The following SLC17A5 variants were observed in gnomAD, a reference collection of about 807,000 sequenced individuals.
The protein encoded by SLC17A5 is sialin.
In SLC17A5, 47 loss-of-function variants were observed where a neutral mutation model predicts 59.4. That is an observed-to-expected ratio of 0.79 (90% CI 0.63 to 1.01). SLC17A5 has a LOEUF of 1.01. Among genes scored for constraint, SLC17A5 ranks in the 50% least tolerant of loss-of-function variants. The pLI is 0.00. For missense variants in SLC17A5, 522 were observed against 595.5 expected (o/e 0.88, Z 1.28); for synonymous variants, 202 against 210.7 (o/e 0.96, Z 0.36).
At chr6:73,638,962 A>T (rs929003142) in intron 3 of SLC17A5, among the ~76,000 whole-genome samples, 1 of 152,192 alleles carries the variant, frequency 6.6e-6, no homozygotes, top group Non-Finnish European at 1.5e-5. Flanking sequence ...TTTATTAATC[A>T]CCTGAATGAA....
chr6:73,609,023 T>A (rs1767522933), intron 9 of SLC17A5, among the ~76,000 whole-genome samples: 1 of 152,010 alleles, frequency 6.6e-6, no homozygotes, highest in Non-Finnish European at 1.5e-5. Flanking sequence ...TATCTTAGAG[T>A]ATTTATTGAA....
intron 10 of SLC17A5, among the ~76,000 whole-genome samples, chr6:73,599,471 G>A (rs545115315): frequency 4.6e-5 from 7 of 152,286 alleles, no homozygotes; most frequent in African/African-American, 1.7e-4. Context: ...TGTAATTCAG[G>A]AATCCATATT....
At chr6:73,652,862 C>G (rs142689236) in intron 1 of SLC17A5, among the ~76,000 whole-genome samples, 1 of 152,344 alleles carries the variant, frequency 6.6e-6, no homozygotes, top group African/African-American at 2.4e-5. Flanking sequence ...TCCAACACAA[C>G]TCTTTCTCAC....
Position 73,593,966 on chromosome 6 carries a change from T to G in SLC17A5, c.*1111A>C, listed in dbSNP as rs887681083. ...ACTGTGATCCATGTGAGAGTAGATT[T>G]AAACCAGGATGATCTTATTTGTGAT... On this transcript the variant is annotated 3_prime_UTR_variant, in exon 11 of 11. Coordinates refer to ENST00000355773, the MANE Select transcript of SLC17A5 (RefSeq NM_012434.5). 1 of 151,618 alleles carries G rather than the reference T, an allele frequency of 6.6e-6. No homozygotes were observed. The highest frequency in any genetic ancestry group is 2.4e-5 in the African/African-American group (1 of 41,316). The allele number at this position is 151,618 out of a possible 1,614,324, so 9.4% of individuals were successfully genotyped here.
chr6:73,652,751 T>A (rs1160489145), intron 1 of SLC17A5, among the ~76,000 whole-genome samples: 1 of 31,382 alleles, frequency 3.2e-5, no homozygotes, highest in African/African-American at 6.9e-5. Flanking sequence ...GGCTGCCAGA[T>A]GGAGCTATAA....
chr6:73,621,473 A>T (rs574307922), intron 7 of SLC17A5, among the ~76,000 whole-genome samples: 4 of 152,354 alleles, frequency 2.6e-5, no homozygotes, highest in Non-Finnish European at 5.9e-5. Context: ...CTTATTGGCC[A>T]TCTGTGTATC....
At chr6:73,640,232 T>C (rs1291465336) in intron 3 of SLC17A5, among the ~76,000 whole-genome samples, 1 of 152,162 alleles carries the variant, frequency 6.6e-6, no homozygotes, top group African/African-American at 2.4e-5. Context: ...ATATTTTACT[T>C]TGTCAAGAAG....
chr6:73,604,431 C>G (rs991951297), intron 9 of SLC17A5, among the ~76,000 whole-genome samples: 1 of 152,086 alleles, frequency 6.6e-6, no homozygotes, highest in Admixed American at 6.6e-5. Flanking sequence ...ATTCGGGCAA[C>G]AAAATTACCA....
Position 73,644,451 on chromosome 6 carries a change from A to T in SLC17A5, c.247T>A (p.Cys83Ser), listed in dbSNP as rs535437459. The part of the protein sequence containing the change: ...TLEDNRTSKA[C>S]PEHSAPIKVH... ...TTTATGGGAGCAGAATGCTCTGGACACGCCTTGGAAGTTCTATTATCTTCT... is the reference window on the plus strand; with the variant it reads ...TTTATGGGAGCAGAATGCTCTGGACTCGCCTTGGAAGTTCTATTATCTTCT... Residue 83 changes from cysteine (C) to serine (S), a missense_variant, in exon 2 of 11, where the codon TGT becomes AGT. Around this residue, in one of 3 missense-constraint regions of SLC17A5, gnomAD observed 338 missense variants for 363.8 expected, o/e 0.93. Coordinates refer to ENST00000355773, the MANE Select transcript of SLC17A5 (RefSeq NM_012434.5). 2 of 1,613,962 alleles carry T rather than the reference A, an allele frequency of 1.2e-6. No homozygotes were observed. The highest frequency in any genetic ancestry group is 1.7e-6 in the Non-Finnish European group (2 of 1,179,992).
At chr6:73,623,759 G>A (rs1372333850) in intron 6 of SLC17A5, among the ~76,000 whole-genome samples, 6 of 150,616 alleles carry the variant, frequency 4.0e-5, no homozygotes, top group African/African-American at 9.8e-5. Flanking sequence ...TTGCAGTGGC[G>A]CGATTTCGGC....
chr6:73,633,353 C>A (rs1206440547), intron 6 of SLC17A5, among the ~76,000 whole-genome samples: 1 of 151,766 alleles, frequency 6.6e-6, no homozygotes, highest in Non-Finnish European at 1.5e-5. Flanking sequence ...CTTGTAGAGA[C>A]ATTTATAGCA....
At chr6:73,653,432 T>A in intron 1 of SLC17A5, 2 of 985,314 alleles carry the variant, frequency 2.0e-6, no homozygotes, top group Non-Finnish European at 2.4e-6. Flanking sequence ...AGTTCGTTCT[T>A]CCACTGGGTC....
chr6:73,598,562 C>T (rs752037630), intron 10 of SLC17A5, among the ~76,000 whole-genome samples: 15 of 152,094 alleles, frequency 9.9e-5, no homozygotes, highest in East Asian at 1.9e-4. Flanking sequence ...ACCTGGGAGG[C>T]GGAGGTTGCA....
At chr6:73,618,215 C>A in intron 7 of SLC17A5, 1 of 149,990 alleles carries the variant, frequency 6.7e-6, no homozygotes, top group African/African-American at 2.5e-5. Context: ...GGCAACAGAG[C>A]AAGACTCAGT....
At chr6:73,643,349 A>G (rs971934791) in intron 2 of SLC17A5, among the ~76,000 whole-genome samples, 14 of 151,754 alleles carry the variant, frequency 9.2e-5, no homozygotes, top group Non-Finnish European at 1.3e-4. Flanking sequence ...TTCAGTAGAG[A>G]TGGGGTTTCA....
intron 1 of SLC17A5, among the ~76,000 whole-genome samples, chr6:73,646,269 C>G (rs575357997): frequency 6.6e-6 from 1 of 152,236 alleles, no homozygotes; most frequent in Middle Eastern, 3.4e-3. Flanking sequence ...TTGATACTGG[C>G]TCAGATGAAC....
chr6:73,635,176 T>C, intron 6 of SLC17A5: 1 of 385,940 alleles, frequency 2.6e-6, no homozygotes, highest in East Asian at 4.1e-5. Flanking sequence ...CAAATGATCC[T>C]CCCACCTAGA....
intron 10 of SLC17A5, among the ~76,000 whole-genome samples, chr6:73,596,098 G>T (rs748705153): frequency 6.6e-6 from 1 of 151,810 alleles, no homozygotes; most frequent in Non-Finnish European, 1.5e-5. Flanking sequence ...GAGCCACCAC[G>T]CCTGGCCTGG....
intron 1 of SLC17A5, among the ~76,000 whole-genome samples, chr6:73,651,487 A>T (rs1769867169): frequency 6.9e-6 from 1 of 144,920 alleles, no homozygotes; most frequent in African/African-American, 2.6e-5. Flanking sequence ...AAAAAAAATC[A>T]GGACATAATT....
Sources: allele counts gnomAD v4.1 joint callset (sites outside exome capture counted in the v4.1 genomes callset), GRCh38; gene constraint gnomAD v4.1.1; regional missense constraint gnomAD v4.1.1; transcripts MANE v1.5; gene names NCBI Gene and HGNC (gene_info 2026-07-23, HGNC 2026-07-21).